CEP112: variants seen among roughly 807,000 people sequenced by gnomAD.
The protein encoded by CEP112 is centrosomal protein 112.
Under a neutral mutation model 153.0 loss-of-function variants are expected in CEP112, and 127 were observed. The ratio of observed to expected loss-of-function variants is 0.83; its 90% CI spans 0.72 to 0.96. The LOEUF is 0.96. CEP112 is among the 40% of genes least tolerant of loss of function. The probability of loss-of-function intolerance (pLI) is 0.00; values close to 1 mark genes in which losing one functional copy is unlikely to be tolerated. For missense variants in CEP112, 1,089 were observed against 1,101.2 expected (o/e 0.99, Z 0.16); for synonymous variants, 358 against 374.4 (o/e 0.96, Z 0.51).
intron 9 of CEP112, 139 bp from the exon 10 acceptor site, chr17:66,067,016 AACAC>A (rs60964018): frequency 0.039 from 10,225 of 264,352 alleles, 208 homozygotes; most frequent in African/African-American, 0.073. Context: ...TGAAATTATA[AACAC>A]ACACACACAC....
chr17:65,893,183 G>A (rs543884040), intron 20 of CEP112, among the ~76,000 whole-genome samples: 4 of 152,044 alleles, frequency 2.6e-5, no homozygotes, highest in East Asian at 3.9e-4. Flanking sequence ...CACACTCCTC[G>A]AGACTAGTGC....
At chr17:65,785,137 A>G (rs192097987) in intron 21 of CEP112, among the ~76,000 whole-genome samples, 1 of 152,298 alleles carries the variant, frequency 6.6e-6, no homozygotes, top group African/African-American at 2.4e-5. Context: ...ATGTTCATCT[A>G]TGTTGTGGAA....
At position 66,049,704 on chromosome 17, in the gene CEP112, T is replaced by C. The variant is rs1282653345; in HGVS notation, c.1218+4032A>G. ...AGGTGGAGGCTGCAGTGAGCTGAGA[T>C]TGTGCCACTGCACTACATCTGGGCG... is the stretch of plus-strand genomic sequence containing the variant. On this transcript the variant is annotated intron_variant, in intron 12 of 26. Coordinates refer to ENST00000535342, the MANE Select transcript of CEP112 (RefSeq NM_001199165.4). Among the ~76,000 whole-genome samples, 3 of 152,212 alleles carry C rather than the reference T, an allele frequency of 2.0e-5. 1 individual carries two copies. The highest frequency in any genetic ancestry group is 3.8e-4 in the East Asian group (2 of 5,196).
intron 21 of CEP112, among the ~76,000 whole-genome samples, chr17:65,824,731 G>A (rs2056754824): frequency 1.3e-5 from 2 of 152,270 alleles, no homozygotes; most frequent in Middle Eastern, 3.4e-3. Flanking sequence ...AAACAGAGTT[G>A]TCTGGGAGTG....
At chr17:66,172,123 G>A (rs1024527533) in intron 4 of CEP112, among the ~76,000 whole-genome samples, 5 of 152,136 alleles carry the variant, frequency 3.3e-5, no homozygotes, top group Non-Finnish European at 5.9e-5. Context: ...CAATCTACTT[G>A]TTCATGAATG....
intron 21 of CEP112, among the ~76,000 whole-genome samples, chr17:65,785,864 GCTTTACT>G (rs1389907706): frequency 3.3e-5 from 5 of 151,758 alleles, no homozygotes; most frequent in African/African-American, 1.2e-4. Context: ...TAGAGGTTGA[GCTTTACT>G]CTTTTGCATA....
intron 24 of CEP112, among the ~76,000 whole-genome samples, chr17:65,675,323 A>C (rs756218799): frequency 2.0e-5 from 3 of 152,236 alleles, no homozygotes; most frequent in Non-Finnish European, 4.4e-5. Context: ...TGGCTTCATC[A>C]GTGAACTCCA....
At chr17:65,888,171 A>C (rs2059348589) in intron 20 of CEP112, among the ~76,000 whole-genome samples, 1 of 152,142 alleles carries the variant, frequency 6.6e-6, no homozygotes, top group Admixed American at 6.5e-5. Flanking sequence ...GAGCAATTTA[A>C]TTAGAAATAA....
At chr17:65,781,009 G>T (rs2053965577) in intron 21 of CEP112, among the ~76,000 whole-genome samples, 1 of 152,040 alleles carries the variant, frequency 6.6e-6, no homozygotes, top group Non-Finnish European at 1.5e-5. Flanking sequence ...ACTAAGCTAT[G>T]CTATGTCAGA....
chr17:66,133,743 A>T (rs1202822616), intron 4 of CEP112, among the ~76,000 whole-genome samples: 1 of 152,206 alleles, frequency 6.6e-6, no homozygotes, highest in African/African-American at 2.4e-5. Context: ...CTAACATTCA[A>T]CCACAAACCA....
chr17:65,971,162 T>C (rs76580733), intron 17 of CEP112, among the ~76,000 whole-genome samples: 9,350 of 150,894 alleles, frequency 0.062, 402 homozygotes, highest in South Asian at 0.12. Context: ...ACATGTACAT[T>C]ACATGTACAG....
intron 21 of CEP112, among the ~76,000 whole-genome samples, chr17:65,776,461 G>A (rs1468900365): frequency 1.3e-5 from 2 of 152,260 alleles, no homozygotes; most frequent in East Asian, 1.9e-4. Context: ...TCCTGACCTC[G>A]TGATCTGCCC....
At chr17:65,963,259 A>G (rs2062280309) in intron 17 of CEP112, among the ~76,000 whole-genome samples, 1 of 149,188 alleles carries the variant, frequency 6.7e-6, no homozygotes, top group South Asian at 2.2e-4. Flanking sequence ...TAGCTGTAAC[A>G]CTGAAGGATG....
At chr17:66,123,707 G>T (rs2146475545) in intron 6 of CEP112, among the ~76,000 whole-genome samples, 1 of 152,012 alleles carries the variant, frequency 6.6e-6, no homozygotes, top group East Asian at 1.9e-4. Flanking sequence ...AACCTACTTG[G>T]GCTACATCCC....
At chr17:66,098,277 A>G (rs1345494776) in intron 6 of CEP112, among the ~76,000 whole-genome samples, 1 of 152,214 alleles carries the variant, frequency 6.6e-6, no homozygotes, top group Non-Finnish European at 1.5e-5. Context: ...TGCCTGATCC[A>G]TGAATCATTC....
chr17:65,765,089 C>G (rs2052869267), intron 21 of CEP112, among the ~76,000 whole-genome samples: 1 of 125,850 alleles, frequency 7.9e-6, no homozygotes, highest in East Asian at 2.4e-4. Context: ...TGTTGAAGCT[C>G]TCTATTGCAT....
At chr17:65,978,191 G>A (rs1195098160) in intron 17 of CEP112, among the ~76,000 whole-genome samples, 1 of 152,150 alleles carries the variant, frequency 6.6e-6, no homozygotes, top group Non-Finnish European at 1.5e-5. Flanking sequence ...CAGAGGTTGA[G>A]GCTGCAGTGG....
At chr17:65,883,245 C>T (rs2059149408) in intron 20 of CEP112, among the ~76,000 whole-genome samples, 1 of 150,544 alleles carries the variant, frequency 6.6e-6, no homozygotes, top group Non-Finnish European at 1.5e-5. Context: ...GGTATTGCAG[C>T]TCATGCTAAG....
At chr17:65,934,726 C>G (rs527698909) in intron 18 of CEP112, among the ~76,000 whole-genome samples, 9 of 152,120 alleles carry the variant, frequency 5.9e-5, no homozygotes, top group East Asian at 3.8e-4. Flanking sequence ...GAAAAGAGAG[C>G]AAGGGTAGAT....
Sources: gnomAD v4.1 joint callset for allele counts (sites outside exome capture counted in the v4.1 genomes callset) on GRCh38, gnomAD v4.1.1 for gene constraint, MANE v1.5 for transcripts, NCBI Gene and HGNC (gene_info 2026-07-23, HGNC 2026-07-21) for gene names.